Variants in MACROD2 observed in about 807,000 individuals in gnomAD.
MACROD2 encodes ADP-ribose glycohydrolase MACROD2.
Under a neutral mutation model 70.4 loss-of-function variants are expected in MACROD2, and 36 were observed. That is an observed-to-expected ratio of 0.51 (90% CI 0.39 to 0.68). The LOEUF (loss-of-function observed/expected upper bound fraction) is 0.68, where lower values mean the gene tolerates loss of function less well. Ranked by LOEUF, MACROD2 falls within the 30% of genes least tolerant of loss-of-function variation. The pLI, the probability that MACROD2 is intolerant of heterozygous loss-of-function variation, is 0.00. For synonymous variants in MACROD2, 172 were observed against 178.8 expected (o/e 0.96, Z 0.30); for missense variants, 496 against 538.4 (o/e 0.92, Z 0.78).
At chr20:14,678,464 C>T (rs1258057121) in intron 4 of MACROD2, among the ~76,000 whole-genome samples, 1 of 151,976 alleles carries the variant, frequency 6.6e-6, no homozygotes, top group African/African-American at 2.4e-5. Context: ...TGTCTTTTTT[C>T]CTATAATATA....
chr20:14,208,136 T>G (rs1281885774), intron 3 of MACROD2, among the ~76,000 whole-genome samples: 1 of 152,178 alleles, frequency 6.6e-6, no homozygotes, highest in South Asian at 2.1e-4. Context: ...ATGTTGATCC[T>G]GGATGTAGTT....
At chr20:14,241,818 T>G (rs2081931983) in intron 3 of MACROD2, among the ~76,000 whole-genome samples, 1 of 152,130 alleles carries the variant, frequency 6.6e-6, no homozygotes, top group African/African-American at 2.4e-5. Context: ...AATTTTAAAT[T>G]TTACTGATGT....
At chr20:15,644,995 AT>A (rs1240484520) in intron 8 of MACROD2, among the ~76,000 whole-genome samples, 1 of 152,006 alleles carries the variant, frequency 6.6e-6, no homozygotes, top group African/African-American at 2.4e-5. Context: ...AGCCTAAGTA[AT>A]TTTTTTCAAG....
chr20:14,470,386 C>G (rs2084514102), intron 3 of MACROD2, among the ~76,000 whole-genome samples: 1 of 152,164 alleles, frequency 6.6e-6, no homozygotes, highest in Admixed American at 6.5e-5. Context: ...AGGTGTCTCC[C>G]AGTCAGGAGA....
intron 8 of MACROD2, among the ~76,000 whole-genome samples, chr20:15,833,356 T>C (rs2064078870): frequency 6.6e-6 from 1 of 152,224 alleles, no homozygotes; most frequent in Admixed American, 6.5e-5. Context: ...TACACTGTAC[T>C]TCATTAATGC....
At chr20:15,286,631 A>G (rs1200141725) in intron 6 of MACROD2, among the ~76,000 whole-genome samples, 1 of 152,148 alleles carries the variant, frequency 6.6e-6, no homozygotes, top group African/African-American at 2.4e-5. Flanking sequence ...CTGGAGAGAG[A>G]GAAGTGGGTT....
In MACROD2 at chr20:15,859,928, G is replaced by T. The variant is rs1341806741; in HGVS notation, c.646-2817G>T. Among the ~76,000 whole-genome samples the T allele has an allele frequency of 4.6e-5, 7 of 152,244 alleles. No homozygotes were observed. In the East Asian group the frequency reaches 1.4e-3, roughly 29 times the overall value. On this transcript the variant is annotated intron_variant, in intron 8 of 17. Transcript: ENST00000684519. Reference sequence around the variant, plus strand: ...AGGCAGGCAGATCACGAGGTCAGGAGATCGAGACCATCCTGGCTAACACGG... The same window carrying T: ...AGGCAGGCAGATCACGAGGTCAGGATATCGAGACCATCCTGGCTAACACGG...
chr20:15,262,435 A>G (rs1442951157), intron 6 of MACROD2, among the ~76,000 whole-genome samples: 1 of 151,996 alleles, frequency 6.6e-6, no homozygotes, highest in Non-Finnish European at 1.5e-5. Flanking sequence ...TGTTTTATTT[A>G]TTCATTCACC....
At chr20:14,861,806 C>T (rs986653359) in intron 5 of MACROD2, among the ~76,000 whole-genome samples, 12 of 148,488 alleles carry the variant, frequency 8.1e-5, no homozygotes, top group African/African-American at 3.0e-4. Context: ...CATCTGGCAC[C>T]TCTTGACAAC....
At chr20:15,730,423 G>A (rs2050929891) in intron 8 of MACROD2, among the ~76,000 whole-genome samples, 1 of 152,144 alleles carries the variant, frequency 6.6e-6, no homozygotes, top group Admixed American at 6.6e-5. Context: ...TTTCTTGTCT[G>A]AAAAGAATCT....
chr20:14,909,783 A>C (rs2122587641), intron 5 of MACROD2, among the ~76,000 whole-genome samples: 1 of 152,276 alleles, frequency 6.6e-6, no homozygotes, highest in African/African-American at 2.4e-5. Flanking sequence ...CTGTTATAGA[A>C]GTACATTTTA....
intron 2 of MACROD2, among the ~76,000 whole-genome samples, chr20:14,007,294 C>A (rs754835749): frequency 1.3e-5 from 2 of 152,138 alleles, no homozygotes; most frequent in Non-Finnish European, 1.5e-5. Flanking sequence ...AGATTGAGTT[C>A]ATTCCCTAAA....
intron 5 of MACROD2, among the ~76,000 whole-genome samples, chr20:14,793,920 A>G (rs989505762): frequency 1.8e-4 from 28 of 151,958 alleles, no homozygotes; most frequent in African/African-American, 6.8e-4. Flanking sequence ...ATGGGTGAAA[A>G]AGGAAGGAGT....
intron 3 of MACROD2, among the ~76,000 whole-genome samples, chr20:14,439,725 G>C (rs2084100207): frequency 6.6e-6 from 1 of 152,138 alleles, no homozygotes; most frequent in Non-Finnish European, 1.5e-5. Flanking sequence ...AGGATTGAAT[G>C]AGTTAAATCA....
At chr20:15,099,944 A>T (rs1305005960) in intron 5 of MACROD2, among the ~76,000 whole-genome samples, 1 of 152,004 alleles carries the variant, frequency 6.6e-6, no homozygotes, top group Non-Finnish European at 1.5e-5. Context: ...ATTGAAAAAA[A>T]AAATTCAAAA....
intron 5 of MACROD2, among the ~76,000 whole-genome samples, chr20:15,036,774 A>C (rs1407541949): frequency 6.6e-6 from 1 of 152,134 alleles, no homozygotes; most frequent in African/African-American, 2.4e-5. Context: ...TCCAGAATTG[A>C]TCATGTAGGA....
chr20:14,585,544 G>C (rs965475967), intron 4 of MACROD2, among the ~76,000 whole-genome samples: 1 of 151,808 alleles, frequency 6.6e-6, no homozygotes, highest in South Asian at 2.1e-4. Context: ...AATATATAAT[G>C]GGATATATTA....
chr20:15,126,534 T>C (rs889480699), intron 5 of MACROD2, among the ~76,000 whole-genome samples: 2 of 152,098 alleles, frequency 1.3e-5, no homozygotes, highest in Non-Finnish European at 2.9e-5. Context: ...CTTACAGTAG[T>C]TCACTCAAAT....
chr20:15,537,771 G>A (rs1329147486), intron 8 of MACROD2, among the ~76,000 whole-genome samples: 1 of 152,026 alleles, frequency 6.6e-6, no homozygotes, highest in African/African-American at 2.4e-5. Flanking sequence ...ACCATGCCAG[G>A]CCCCACTTAC....
Sources: gnomAD v4.1 joint callset for allele counts (sites outside exome capture counted in the v4.1 genomes callset) on GRCh38, gnomAD v4.1.1 for gene constraint, MANE v1.5 for transcripts, NCBI Gene and HGNC (gene_info 2026-07-23, HGNC 2026-07-21) for gene names.